SNED1: variants seen among roughly 807,000 people sequenced by gnomAD.
The protein encoded by SNED1 is sushi, nidogen and EGF like domains 1, also known as sushi, nidogen and EGF-like domain-containing protein 1.
In SNED1, 81 loss-of-function variants were observed where a neutral mutation model predicts 166.7. That is an observed-to-expected ratio of 0.49 (90% CI 0.41 to 0.58). The LOEUF (loss-of-function observed/expected upper bound fraction) is 0.58. Among genes scored for constraint, SNED1 ranks in the 20% least tolerant of loss-of-function variants. SNED1 has a pLI of 0.00. For missense variants in SNED1, 1,604 were observed against 2,000.2 expected (o/e 0.80, Z 3.78); for synonymous variants, 762 against 822.0 (o/e 0.93, Z 1.25).
chr2:241,017,897 C>T (rs140065296), intron 1 of SNED1, among the ~76,000 whole-genome samples: 15 of 152,208 alleles, frequency 9.9e-5, no homozygotes, highest in African/African-American at 3.1e-4. Context: ...GCCCTGTTGA[C>T]GCCACCGTCA....
At chr2:241,081,819 G>C in intron 28 of SNED1, 26 bp downstream of exon 28, 2 of 1,514,206 alleles carry the variant, frequency 1.3e-6, no homozygotes, top group Non-Finnish European at 1.8e-6. Flanking sequence ...GCCTCAGGGC[G>C]CCCCTTCCAA....
intron 1 of SNED1, among the ~76,000 whole-genome samples, chr2:241,016,484 C>T (rs906686685): frequency 6.6e-6 from 1 of 152,114 alleles, no homozygotes; most frequent in Non-Finnish European, 1.5e-5. Context: ...GCGTGAGCCA[C>T]CACGCCCGGC....
intron 1 of SNED1, among the ~76,000 whole-genome samples, chr2:241,027,346 G>A (rs2061002752): frequency 6.6e-6 from 1 of 152,216 alleles, no homozygotes. Flanking sequence ...CACCAAAAGT[G>A]TTGGGATTAC....
At chr2:241,067,501 A>AC (rs1303949849) in intron 21 of SNED1, among the ~76,000 whole-genome samples, 2 of 152,000 alleles carry the variant, frequency 1.3e-5, no homozygotes, top group Admixed American at 1.3e-4. Flanking sequence ...GGAGACTAAG[A>AC]CCCCTGCCTC....
Position 241,011,975 on chromosome 2 carries a change from G to A in SNED1, c.213+12925G>A, listed in dbSNP as rs917366305. ...GGGAGGGCAGCAGCTCTCTGGGGTG[G>A]GGAGAGAGGAAAGCTGGAGCGGGGC... On this transcript the variant is annotated intron_variant, in intron 1 of 31. Coordinates refer to ENST00000310397, the MANE Select transcript of SNED1 (RefSeq NM_001080437.3). 2.0e-5 allele frequency among the ~76,000 whole-genome samples: 3 copies of A among 152,334 alleles called. No individual in the cohort carries two copies. In the South Asian group the frequency reaches 6.2e-4, roughly 32 times the overall value.
At position 241,036,933 on chromosome 2, in the gene SNED1, G is replaced by A; in HGVS notation, c.931+18G>A. ...CCACCTGGGTGAGTGACTGGCCCAG[G>A]GCGGGACCACCCGCTGGCTGCGCTG... is the stretch of plus-strand genomic sequence containing the variant. On this transcript the variant is annotated intron_variant, in intron 5 of 31. Coordinates refer to ENST00000310397, the MANE Select transcript of SNED1 (RefSeq NM_001080437.3). 6.2e-7 allele frequency: 1 copy of A among 1,602,822 alleles called. No homozygotes were observed. The highest frequency in any genetic ancestry group is 8.5e-7 in the Non-Finnish European group (1 of 1,175,826).
At chr2:241,052,789 C>A (rs1405925882) in intron 15 of SNED1, among the ~76,000 whole-genome samples, 3 of 109,192 alleles carry the variant, frequency 2.7e-5, no homozygotes, top group African/African-American at 4.5e-5. Flanking sequence ...TGGTGTCAGG[C>A]AGGTAAGGCC....
rs376718100 is a variant in SNED1, at chr2:241,019,838, C to T, written c.214-10446C>T. 5.3e-3 allele frequency among the ~76,000 whole-genome samples: 803 copies of T among 152,268 alleles called. 4 individuals are homozygous for T. The highest frequency in any genetic ancestry group is 0.018 in the African/African-American group (764 of 41,560). ...TGGTCTTCCAAGTGGCAGACCAGACCGCAGACTGGGGCAGCAGGCTTTTTC... is the reference window on the plus strand; with the variant it reads ...TGGTCTTCCAAGTGGCAGACCAGACTGCAGACTGGGGCAGCAGGCTTTTTC... On this transcript the variant is annotated intron_variant, in intron 1 of 31. Coordinates refer to ENST00000310397, the MANE Select transcript of SNED1 (RefSeq NM_001080437.3).
At chr2:241,072,521 C>G in intron 26 of SNED1, 1 of 337,848 alleles carries the variant, frequency 3.0e-6, no homozygotes, top group Non-Finnish European at 5.8e-6. Flanking sequence ...CCTCATGGAA[C>G]TCCCCAACAG....
intron 27 of SNED1, among the ~76,000 whole-genome samples, chr2:241,080,654 A>C (rs2063283696): frequency 6.6e-6 from 1 of 152,262 alleles, no homozygotes; most frequent in African/African-American, 2.4e-5. Flanking sequence ...AGACAGAATA[A>C]ATTGAGCATC....
intron 1 of SNED1, among the ~76,000 whole-genome samples, chr2:241,021,745 A>AT (rs985177486): frequency 6.6e-6 from 1 of 152,110 alleles, no homozygotes; most frequent in Non-Finnish European, 1.5e-5. Context: ...TTACATAAAC[A>AT]TTTTTGTGTG....
Position 241,051,519 on chromosome 2 carries a change from C to T in SNED1, c.1736-225C>T, listed in dbSNP as rs1280581949. On this transcript the variant is annotated intron_variant, in intron 12 of 31. Coordinates refer to ENST00000310397, the MANE Select transcript of SNED1 (RefSeq NM_001080437.3). This position sits in a 1 kb window ranked among gnomAD's most constrained non-coding sequence, Gnocchi z 4.7. ...CTGGGCAGAAAAGAGGACAGGCAAG[C>T]AAAGGGCCCACCTGTGACTGAGTTG... 9.5e-6 allele frequency: 4 copies of T among 420,798 alleles called. No individual in the cohort carries two copies. Among genetic ancestry groups the T allele is most frequent in the Non-Finnish European group, 1.7e-5 (4 of 238,220 alleles). 26.1% of individuals were successfully genotyped at this position (420,798 alleles called of 1,614,324 possible).
At chr2:241,063,337 C>A (rs1430473227) in intron 17 of SNED1, 3 of 547,650 alleles carry the variant, frequency 5.5e-6, no homozygotes, top group Admixed American at 3.1e-5. Flanking sequence ...CCTGGGGAGC[C>A]TCCCATTGCG....
intron 27 of SNED1, 97 bp from the exon 28 acceptor site, chr2:241,081,580 C>A: frequency 1.2e-6 from 1 of 837,128 alleles, no homozygotes; most frequent in Non-Finnish European, 1.9e-6. Flanking sequence ...GCACGGCCAC[C>A]CTGCATCAGG....
In SNED1 at chr2:241,048,436, G is replaced by T. The variant is rs2061727649; in HGVS notation, c.1395G>T (p.Arg465Ser). ...AAGGCTTCATGGGCCTGGACTGCAG[G>T]GAGAGTGCGTCTGGGCTGCAAGGGC... ...CPEGFMGLDC[R>S]ERVPDDCECR... Residue 465 changes from arginine to serine, a missense_variant, in exon 9 of 32, where the codon AGG becomes AGT. Arg to Ser is a moderately radical substitution (Grantham distance 110). Around this residue, in one of 2 missense-constraint regions of SNED1, gnomAD observed 1,237 missense variants for 1,620.8 expected, o/e 0.76. Coordinates refer to ENST00000310397, the MANE Select transcript of SNED1 (RefSeq NM_001080437.3). 6.2e-7 allele frequency: 1 copy of T among 1,601,766 alleles called. No homozygotes were observed.
Position 241,068,482 on chromosome 2 carries a change from G to A in SNED1, c.3195-429G>A, listed in dbSNP as rs150241774. Among the ~76,000 whole-genome samples the A allele has an allele frequency of 2.5e-4, 38 of 152,198 alleles. No individual in the cohort carries two copies. Among genetic ancestry groups the A allele is most frequent in the African/African-American group, 7.9e-4 (33 of 41,538 alleles). On this transcript the variant is annotated intron_variant, in intron 22 of 31. Coordinates refer to ENST00000310397, the MANE Select transcript of SNED1 (RefSeq NM_001080437.3). The surrounding 1 kb of genome is among the most constrained non-coding windows in gnomAD (Gnocchi z 5.3). The stretch of plus-strand genomic sequence containing the variant: ...GGGGTGCAGGAAAAGATCGGAGAGC[G>A]AGTGGGAAGGAAGACTCCAGCCAGC...
chr2:241,088,737 C>T (rs568278458), intron 31 of SNED1: 3 of 332,560 alleles, frequency 9.0e-6, no homozygotes, highest in East Asian at 5.8e-5. Context: ...GGGGGGTGGG[C>T]CCTTGGAGAG....
Position 241,070,670 on chromosome 2 carries a change from G to A in SNED1, c.3589+469G>A, listed in dbSNP as rs1005943370. ...CAGAGGCACAGGGCAGAAGCCGCTC[G>A]GAGTGGGGACAGATGCTCCGAAGGG... On this transcript the variant is annotated intron_variant, in intron 24 of 31. Coordinates refer to ENST00000310397, the MANE Select transcript of SNED1 (RefSeq NM_001080437.3). Among the ~76,000 whole-genome samples the A allele has an allele frequency of 3.0e-4, 46 of 152,212 alleles. 1 individual carries two copies. Among genetic ancestry groups the A allele is most frequent in the South Asian group, 2.7e-3 (13 of 4,832 alleles).
chr2:241,057,166 GT>G (rs1414405474), intron 16 of SNED1, among the ~76,000 whole-genome samples: 6 of 151,056 alleles, frequency 4.0e-5, no homozygotes, highest in Non-Finnish European at 7.4e-5. Context: ...ATCACCTGAG[GT>G]CAGGAGTTTG....
Sources: allele counts gnomAD v4.1 joint callset (sites outside exome capture counted in the v4.1 genomes callset), GRCh38; gene constraint gnomAD v4.1.1; regional missense constraint gnomAD v4.1.1; non-coding constraint Gnocchi (gnomAD v3.1); transcripts MANE v1.5; gene names NCBI Gene and HGNC (gene_info 2026-07-23, HGNC 2026-07-21).